Variants in WASF3 observed in about 807,000 individuals in gnomAD.
WASF3 encodes the protein actin-binding protein WASF3.
In WASF3, 11 loss-of-function variants were observed where a neutral mutation model predicts 46.6. The observed-to-expected ratio is 0.24, with a 90% confidence interval of 0.15 to 0.39. The LOEUF is 0.39. WASF3 is among the 10% of genes least tolerant of loss of function. The pLI is 1.00. For missense variants in WASF3, 576 were observed against 669.8 expected (o/e 0.86, Z 1.55); for synonymous variants, 242 against 259.7 (o/e 0.93, Z 0.65).
intron 1 of WASF3, among the ~76,000 whole-genome samples, chr13:26,570,524 A>G (rs1879603846): frequency 1.3e-5 from 2 of 151,958 alleles, no homozygotes; most frequent in African/African-American, 4.8e-5. Context: ...TTTTTCAAAA[A>G]CAGAAGGTGG....
chr13:26,683,425 G>T (rs958229596), intron 9 of WASF3, among the ~76,000 whole-genome samples: 1 of 151,714 alleles, frequency 6.6e-6, no homozygotes, highest in African/African-American at 2.4e-5. Context: ...GCAGTGAGCC[G>T]TGGTCACGCC....
intron 2 of WASF3, among the ~76,000 whole-genome samples, chr13:26,634,970 G>T (rs1375188701): frequency 6.6e-6 from 1 of 152,110 alleles, no homozygotes; most frequent in Non-Finnish European, 1.5e-5. Flanking sequence ...GTGTCTTGGG[G>T]TTGCTTTTCT....
chr13:26,604,744 G>A (rs1369183690), intron 1 of WASF3, among the ~76,000 whole-genome samples: 1 of 152,206 alleles, frequency 6.6e-6, no homozygotes, highest in Non-Finnish European at 1.5e-5. Flanking sequence ...ATACAAAGTA[G>A]TTTGGGCAAG....
chr13:26,566,096 C>T (rs180954165), intron 1 of WASF3, among the ~76,000 whole-genome samples: 12 of 152,254 alleles, frequency 7.9e-5, no homozygotes, highest in Admixed American at 5.9e-4. Context: ...ATTTCTTAGG[C>T]TATTTTGTTT....
chr13:26,680,935 A>T, intron 7 of WASF3, 119 bp from the exon 8 acceptor site: 1 of 1,322,130 alleles, frequency 7.6e-7, no homozygotes, highest in South Asian at 1.4e-5. Flanking sequence ...TAGTAAAGCA[A>T]ATTAATGTCT....
chr13:26,605,325 G>A (rs145835195), intron 1 of WASF3, among the ~76,000 whole-genome samples: 113 of 152,150 alleles, frequency 7.4e-4, no homozygotes, highest in African/African-American at 2.4e-3. Flanking sequence ...TTTTATGCCC[G>A]TTACAAAGAA....
intron 1 of WASF3, among the ~76,000 whole-genome samples, chr13:26,608,686 T>C (rs1384787255): frequency 6.6e-6 from 1 of 152,172 alleles, no homozygotes; most frequent in Non-Finnish European, 1.5e-5. Flanking sequence ...GGAACCGTTG[T>C]AGCAATGGGG....
intron 3 of WASF3, among the ~76,000 whole-genome samples, chr13:26,643,331 C>A (rs373351454): frequency 2.0e-5 from 3 of 151,940 alleles, no homozygotes. Flanking sequence ...TAGCCTCAAG[C>A]GAAGGGCAAA....
chr13:26,554,088 C>CTTTTTCT (rs1289008259), upstream of WASF3, among the ~76,000 whole-genome samples: 1 of 27,698 alleles, frequency 3.6e-5, no homozygotes, highest in East Asian at 1.6e-3. Context: ...TCCTTCCTTC[C>CTTTTTCT]TTCCTTCCTT....
chr13:26,637,280 A>G (rs765483467), intron 2 of WASF3, among the ~76,000 whole-genome samples: 3 of 152,114 alleles, frequency 2.0e-5, no homozygotes, highest in Non-Finnish European at 1.5e-5. Context: ...GAGAGTCCCA[A>G]TTGAGGGACT....
chr13:26,616,533 TCA>T (rs1881138890), intron 2 of WASF3, among the ~76,000 whole-genome samples: 1 of 152,234 alleles, frequency 6.6e-6, no homozygotes, highest in Non-Finnish European at 1.5e-5. Flanking sequence ...GTAGTTTTAT[TCA>T]TTTTAATAGC....
At chr13:26,604,360 A>G (rs1235354301) in intron 1 of WASF3, among the ~76,000 whole-genome samples, 1 of 152,214 alleles carries the variant, frequency 6.6e-6, no homozygotes, top group African/African-American at 2.4e-5. Flanking sequence ...TTCATTCATC[A>G]TATGTAAATG....
At chr13:26,683,469 C>T (rs148074947) in intron 9 of WASF3, among the ~76,000 whole-genome samples, 100 of 135,466 alleles carry the variant, frequency 7.4e-4, no homozygotes, top group Admixed American at 2.0e-3. Context: ...GAGCGAGACC[C>T]GTCTCAAAAA....
At chr13:26,602,049 C>T (rs1273596580) in intron 1 of WASF3, among the ~76,000 whole-genome samples, 1 of 152,126 alleles carries the variant, frequency 6.6e-6, no homozygotes, top group Non-Finnish European at 1.5e-5. Context: ...AAGACTTCAT[C>T]CTCCCCTTCA....
chr13:26,606,990 A>T (rs180964612), intron 1 of WASF3: 3 of 152,292 alleles, frequency 2.0e-5, no homozygotes, highest in Middle Eastern at 3.4e-3. Context: ...CTATTTTATT[A>T]TGAGTTATTG....
At chr13:26,630,361 C>G (rs1010032666) in intron 2 of WASF3, among the ~76,000 whole-genome samples, 12 of 152,120 alleles carry the variant, frequency 7.9e-5, no homozygotes, top group Admixed American at 4.6e-4. Context: ...GCCCTGTGTC[C>G]AAGTGTTCTC....
At chr13:26,647,408 T>C (rs1246675743) in intron 3 of WASF3, among the ~76,000 whole-genome samples, 1 of 152,120 alleles carries the variant, frequency 6.6e-6, no homozygotes, top group Non-Finnish European at 1.5e-5. Context: ...TTTTTTTTCT[T>C]CAAATAATGA....
chr13:26,645,963 C>G (rs1882138841), intron 3 of WASF3, among the ~76,000 whole-genome samples: 1 of 152,176 alleles, frequency 6.6e-6, no homozygotes, highest in Non-Finnish European at 1.5e-5. Flanking sequence ...AGTTACAGGA[C>G]AAACTGATGC....
intron 1 of WASF3, chr13:26,577,205 CA>C: frequency 2.7e-6 from 2 of 740,696 alleles, no homozygotes; most frequent in Non-Finnish European, 2.5e-6. Flanking sequence ...TTACCTGTGA[CA>C]AAATGTGTTC....
Sources: gnomAD v4.1 joint callset for allele counts (sites outside exome capture counted in the v4.1 genomes callset) on GRCh38, gnomAD v4.1.1 for gene constraint, MANE v1.5 for transcripts, NCBI Gene and HGNC (gene_info 2026-07-23, HGNC 2026-07-21) for gene names.